The following NDUFS7 variants were observed in gnomAD, a reference collection of about 807,000 sequenced individuals.
The protein encoded by NDUFS7 is NADH dehydrogenase [ubiquinone] iron-sulfur protein 7, mitochondrial.
Under a neutral mutation model 31.1 loss-of-function variants are expected in NDUFS7, and 11 were observed. That is an observed-to-expected ratio of 0.35 (90% confidence interval 0.22 to 0.59). The LOEUF is 0.59. Ranked by LOEUF, NDUFS7 falls within the 20% of genes least tolerant of loss-of-function variation. The probability of loss-of-function intolerance (pLI) is 0.79; values close to 1 mark genes in which losing one functional copy is unlikely to be tolerated. For synonymous variants in NDUFS7, 136 were observed against 127.9 expected, an observed-to-expected ratio of 1.06 and a Z score of -0.43; for missense variants, 263 against 324.2, an observed-to-expected ratio of 0.81 and a Z score of 1.45.
At position 1,395,517 on chromosome 19, in the gene NDUFS7, C is replaced by T. The variant is rs534284825; in HGVS notation, c.*29C>T. On this transcript the variant is annotated 3_prime_UTR_variant, in exon 8 of 8. Transcript: ENST00000233627. ...CGCCGCCGCCGCCGCCGGAGCCTGT[C>T]GCCGTCCTGTCCCCAGCCTGCTTGT... The T allele has an allele frequency of 1.5e-5, 24 of 1,555,996 alleles. 1 individual carries two copies. The highest frequency in any genetic ancestry group is 1.2e-4 in the South Asian group (10 of 84,380).
At chr19:1,389,225 GCA>G (rs1187890538) in intron 4 of NDUFS7, 5 of 670,918 alleles carry the variant, frequency 7.5e-6, no homozygotes, top group East Asian at 5.7e-5. Context: ...ATACACACAT[GCA>G]CACTTGCACT....
chr19:1,384,110 G>C (rs1305898058), intron 1 of NDUFS7, 168 bp downstream of exon 1: 8 of 733,618 alleles, frequency 1.1e-5, no homozygotes, highest in Non-Finnish European at 1.4e-5. Context: ...TGCGATGAAC[G>C]GTCGCCGTTA....
Position 1,383,923 on chromosome 19 carries a change from C to T in NDUFS7, c.-4C>T. On this transcript the variant is annotated 5_prime_UTR_variant, in exon 1 of 8. Transcript: ENST00000233627. ...TCAGAGGTTGTCTGAAGGCCGAGGC[C>T]AAGATGGCGGTGCTGTCAGGTGAGC... is the stretch of plus-strand genomic sequence containing the variant. 1 of 1,581,356 alleles carries T rather than the reference C, an allele frequency of 6.3e-7. No homozygotes were observed. Among genetic ancestry groups the T allele is most frequent in the Non-Finnish European group, 8.6e-7 (1 of 1,164,850 alleles).
Position 1,388,859 on chromosome 19 carries a change from G to A in NDUFS7, c.149G>A (p.Arg50Lys). The A allele has an allele frequency of 1.9e-6, 3 of 1,606,430 alleles. No homozygotes were observed. Among genetic ancestry groups the A allele is most frequent in the Non-Finnish European group, 2.5e-6 (3 of 1,177,008 alleles). ...SSTQPALPKA[R>K]AVAPKPSSRG... is the part of the protein sequence containing the mutation. The stretch of plus-strand genomic sequence containing the variant: ...ACCCAGCCTGCCCTGCCAAAGGCCA[G>A]AGCCGTGGCTCCCAAACCCAGCAGC... Residue 50 changes from arginine (R) to lysine (K), a missense_variant, in exon 4 of 8, where the codon AGA (arginine) becomes AAA (lysine). Arg to Lys is a conservative substitution (Grantham distance 26). Transcript: ENST00000233627.
chr19:1,387,911 CGGG>C lies in NDUFS7; in HGVS notation c.53+70_53+72del, dbSNP rs1214096751. 49 of 129,006 alleles carry C rather than the reference CGGG, an allele frequency of 3.8e-4. 3 individuals carry two copies. The African/African-American group carries it at 5.2e-3, about 14-fold the overall frequency. The allele number at this position is 129,006 out of a possible 1,614,324, so 8.0% of individuals were successfully genotyped here. ...CTTCAGCAGCGACAGACGAACGGGGCGGGGGGGGTGGGGGGTGGGGGGAGCGCC... is the reference window on the plus strand; with the variant it reads ...CTTCAGCAGCGACAGACGAACGGGGCGGGGGTGGGGGGTGGGGGGAGCGCC... On this transcript the variant is annotated intron_variant, in intron 2 of 7. Transcript: ENST00000233627.
At chr19:1,391,495 T>C (rs1332287364) in intron 6 of NDUFS7, among the ~76,000 whole-genome samples, 2 of 150,152 alleles carry the variant, frequency 1.3e-5, no homozygotes, top group Non-Finnish European at 3.0e-5. Context: ...TCTTTTTTTT[T>C]TTTTTTTTGA....
intron 1 of NDUFS7, 39 bp downstream of exon 1, chr19:1,383,981 G>A (rs2082491089): frequency 1.3e-6 from 2 of 1,546,614 alleles, no homozygotes; most frequent in Non-Finnish European, 8.7e-7. Context: ...GGCCGCGCGG[G>A]TCTGGGGCCG....
At position 1,384,071 on chromosome 19, in the gene NDUFS7, C is replaced by T. The variant is rs2144603901; in HGVS notation, c.16+129C>T. On this transcript the variant is annotated intron_variant, in intron 1 of 7. Coordinates refer to ENST00000233627, the MANE Select transcript of NDUFS7 (RefSeq NM_024407.5). ...CGGTCCTCTCCGGGCTTCTCCGAGC[C>T]GGCCGCTCCTCGGGCTCCCCGCCCG... The T allele has an allele frequency of 4.7e-6, 5 of 1,054,066 alleles. No individual in the cohort carries two copies. The East Asian group carries it at 1.2e-4, about 26-fold the overall frequency. 65.3% of individuals were successfully genotyped at this position (1,054,066 alleles called of 1,614,324 possible).
rs1186409755 is a variant in NDUFS7 at position 1,393,199 on chromosome 19, G to T, written c.456-43G>T. On this transcript the variant is annotated intron_variant, in intron 6 of 7. Coordinates refer to ENST00000233627, the MANE Select transcript of NDUFS7 (RefSeq NM_024407.5). This position sits in a 1 kb window ranked among gnomAD's most constrained non-coding sequence, Gnocchi z 7.3. ...AGGCCTCGTGGAGGGAGGGTGGGCA[G>T]GCGGGTCTTCGGCACACTCCCCTCA... is the stretch of plus-strand genomic sequence containing the variant. The T allele has an allele frequency of 6.7e-7, 1 of 1,502,794 alleles. No individual in the cohort carries two copies. The highest frequency in any genetic ancestry group is 2.5e-5 in the East Asian group (1 of 40,718). 93.1% of individuals were successfully genotyped at this position (1,502,794 alleles called of 1,614,324 possible). A position where few individuals can be genotyped will look rare whatever the true frequency, so the allele number is the denominator to read the frequency against.
At chr19:1,389,910 TTTTTTTTTTTTGAGACGGAGGCTCGC>T in intron 4 of NDUFS7, 1 of 196,024 alleles carries the variant, frequency 5.1e-6, no homozygotes, top group Non-Finnish European at 1.1e-5. Context: ...TTCTTTTCTT[TTTTTTTTTTTTGAGACGGAGGCTCGC>T]TCTGTCGCCC....
rs1198771477 is a variant in NDUFS7 at position 1,388,324 on chromosome 19, C to G, written c.54-201C>G. 2.1e-5 allele frequency: 13 copies of G among 626,150 alleles called. No homozygotes were observed. In the East Asian group the frequency reaches 3.6e-4, roughly 17 times the overall value. 38.8% of individuals were successfully genotyped at this position (626,150 alleles called of 1,614,324 possible). ...TGCTGGGTACGTCACAAAAGAAGTT[C>G]CATTCAAGTCTGGGCCATCATTGGG... On this transcript the variant is annotated intron_variant, in intron 2 of 7. Coordinates refer to ENST00000233627, the MANE Select transcript of NDUFS7 (RefSeq NM_024407.5).
At chr19:1,394,634 C>T in intron 7 of NDUFS7, 41 of 1,232,784 alleles carry the variant, frequency 3.3e-5, no homozygotes, top group Non-Finnish European at 3.9e-5. Flanking sequence ...GGACCGCGCT[C>T]CTCCCTCCCT....
chr19:1,387,923 G>GGGGGGGGGGGC, intron 2 of NDUFS7, 76 bp downstream of exon 2: 1 of 436,176 alleles, frequency 2.3e-6, no homozygotes, highest in Admixed American at 2.6e-5. Context: ...GGGGGGGTGG[G>GGGGGGGGGGGC]GGGTGGGGGG....
Position 1,388,075 on chromosome 19 carries a change from G to A in NDUFS7, c.53+228G>A, listed in dbSNP as rs911546317. 3 of 632,958 alleles carry A rather than the reference G, an allele frequency of 4.7e-6. No homozygotes were observed. The African/African-American group carries it at 5.4e-5, about 11-fold the overall frequency. The allele number at this position is 632,958 out of a possible 1,614,324, so 39.2% of individuals were successfully genotyped here. A position where few individuals can be genotyped will look rare whatever the true frequency, so the allele number is the denominator to read the frequency against. On this transcript the variant is annotated intron_variant, in intron 2 of 7. Transcript: ENST00000233627. ...GACAGTCAGGAGGAAAACCCTGTGGGCCCGGCTCAGTGCCGTCAGAGCTCA... is the reference window on the plus strand; with the variant it reads ...GACAGTCAGGAGGAAAACCCTGTGGACCCGGCTCAGTGCCGTCAGAGCTCA...
intron 1 of NDUFS7, among the ~76,000 whole-genome samples, chr19:1,385,513 C>T (rs184879762): frequency 6.7e-6 from 1 of 149,756 alleles, no homozygotes; most frequent in Non-Finnish European, 1.5e-5. Context: ...AACTCCGTCT[C>T]AAAAACAAAA....
At chr19:1,392,594 G>A (rs988783532) in intron 6 of NDUFS7, 1 of 155,628 alleles carries the variant, frequency 6.4e-6, no homozygotes, top group African/African-American at 2.4e-5. Context: ...TGAGCGCGAC[G>A]TCCTCAAGGT....
chr19:1,384,962 G>A (rs2082497906), intron 1 of NDUFS7, among the ~76,000 whole-genome samples: 1 of 152,128 alleles, frequency 6.6e-6, no homozygotes, highest in Non-Finnish European at 1.5e-5. Flanking sequence ...CCACAGGTGT[G>A]CGCCACCATG....
chr19:1,387,923 G>GGGGGGC, intron 2 of NDUFS7, 76 bp downstream of exon 2: 3 of 436,170 alleles, frequency 6.9e-6, no homozygotes, highest in Non-Finnish European at 1.3e-5. Flanking sequence ...GGGGGGGTGG[G>GGGGGGC]GGGTGGGGGG....
rs923521727 is a variant in NDUFS7 at position 1,383,923 on chromosome 19, C to A, written c.-4C>A. On this transcript the variant is annotated 5_prime_UTR_variant, in exon 1 of 8. Transcript: ENST00000233627. The stretch of plus-strand genomic sequence containing the variant: ...TCAGAGGTTGTCTGAAGGCCGAGGC[C>A]AAGATGGCGGTGCTGTCAGGTGAGC... The A allele has an allele frequency of 1.9e-6, 3 of 1,581,356 alleles. No individual in the cohort carries two copies. The highest frequency in any genetic ancestry group is 2.6e-6 in the Non-Finnish European group (3 of 1,164,850).
Sources: allele counts gnomAD v4.1 joint callset (sites outside exome capture counted in the v4.1 genomes callset), GRCh38; gene constraint gnomAD v4.1.1; non-coding constraint Gnocchi (gnomAD v3.1); transcripts MANE v1.5; gene names NCBI Gene and HGNC (gene_info 2026-07-23, HGNC 2026-07-21).